The following EXOC4 variants were observed in gnomAD, a reference collection of about 807,000 sequenced individuals.
The protein encoded by EXOC4 is SEC8-like 1.
EXOC4 carries 71 observed loss-of-function variants against 107.2 expected under a neutral mutation model. That is an observed-to-expected ratio of 0.66 (90% CI 0.55 to 0.81). The LOEUF is 0.81. Ranked by LOEUF, EXOC4 falls within the 30% of genes least tolerant of loss-of-function variation. EXOC4 has a pLI of 0.00. For synonymous variants in EXOC4, 456 were observed against 441.2 expected (o/e 1.03, Z -0.42); for missense variants, 1,108 against 1,189.6 (o/e 0.93, Z 1.01).
chr7:133,277,744 A>G (rs1323077367), intron 2 of EXOC4, among the ~76,000 whole-genome samples: 1 of 152,230 alleles, frequency 6.6e-6, no homozygotes, highest in East Asian at 1.9e-4. Context: ...AGAGCCTTTA[A>G]TAATTGATTA....
chr7:133,287,877 C>A (rs1050943729), intron 2 of EXOC4, among the ~76,000 whole-genome samples: 4 of 152,128 alleles, frequency 2.6e-5, no homozygotes, highest in African/African-American at 9.7e-5. Flanking sequence ...TGTAGAAGAA[C>A]AATACAGATT....
chr7:134,008,057 T>A (rs967380174), intron 17 of EXOC4: 3 of 457,826 alleles, frequency 6.6e-6, no homozygotes, highest in Non-Finnish European at 1.2e-5. Flanking sequence ...TAACCCAAGT[T>A]CTTCTTAACT....
chr7:133,598,942 C>T (rs979548963), intron 9 of EXOC4, among the ~76,000 whole-genome samples: 1 of 152,144 alleles, frequency 6.6e-6, no homozygotes, highest in African/African-American at 2.4e-5. Flanking sequence ...CAAGATCGCG[C>T]CACTGCATTC....
At chr7:133,663,583 T>C (rs1659043619) in intron 10 of EXOC4, among the ~76,000 whole-genome samples, 1 of 152,192 alleles carries the variant, frequency 6.6e-6, no homozygotes, top group African/African-American at 2.4e-5. Flanking sequence ...TGCATTTCAA[T>C]TTGTGGGATG....
intron 5 of EXOC4, among the ~76,000 whole-genome samples, chr7:133,317,622 C>G (rs1795020195): frequency 6.6e-6 from 1 of 152,132 alleles, no homozygotes; most frequent in Admixed American, 6.5e-5. Context: ...TGAACCTGGC[C>G]TGCCTGCTGA....
chr7:133,624,304 G>A (rs775084915), intron 9 of EXOC4, among the ~76,000 whole-genome samples: 5 of 152,086 alleles, frequency 3.3e-5, no homozygotes, highest in Non-Finnish European at 7.4e-5. Context: ...ATTTTTAATT[G>A]AAAAATAAAG....
chr7:133,276,060 T>C (rs1016629417), intron 2 of EXOC4, among the ~76,000 whole-genome samples: 1 of 152,122 alleles, frequency 6.6e-6, no homozygotes, highest in Non-Finnish European at 1.5e-5. Context: ...GAACAGTTTT[T>C]CTTTTATTTG....
chr7:134,000,997 T>C (rs1477063968), intron 15 of EXOC4, among the ~76,000 whole-genome samples: 1 of 152,146 alleles, frequency 6.6e-6, no homozygotes, highest in Non-Finnish European at 1.5e-5. Flanking sequence ...GCGCAGTCTG[T>C]GTTGAAGGAT....
At chr7:133,355,728 G>T (rs550073151) in intron 5 of EXOC4, among the ~76,000 whole-genome samples, 1 of 151,358 alleles carries the variant, frequency 6.6e-6, no homozygotes, top group Non-Finnish European at 1.5e-5. Flanking sequence ...TTATGTTGTA[G>T]CAGACATATG....
chr7:133,821,197 G>A (rs533542197), intron 11 of EXOC4, among the ~76,000 whole-genome samples: 1 of 152,254 alleles, frequency 6.6e-6, no homozygotes, highest in Admixed American at 6.5e-5. Context: ...CACTATTCTG[G>A]GTGCTTTGTC....
intron 10 of EXOC4, among the ~76,000 whole-genome samples, chr7:133,651,523 A>T (rs1430143638): frequency 6.6e-6 from 1 of 152,176 alleles, no homozygotes; most frequent in Non-Finnish European, 1.5e-5. Context: ...GCTTTGGATC[A>T]CTTATGATAC....
At chr7:133,638,999 C>T (rs1025591976) in intron 10 of EXOC4, among the ~76,000 whole-genome samples, 10 of 152,224 alleles carry the variant, frequency 6.6e-5, no homozygotes, top group South Asian at 2.1e-4. Flanking sequence ...AACATGTGTT[C>T]GTCTTTTGGA....
chr7:134,075,339 C>T, the EXOC4 span, among the ~76,000 whole-genome samples: 1 of 152,136 alleles, frequency 6.6e-6, no homozygotes, highest in African/African-American at 2.4e-5. Context: ...ATTTCTGAGC[C>T]TGTATTAGTC....
chr7:133,507,757 A>G (rs1436272926), intron 9 of EXOC4, among the ~76,000 whole-genome samples: 1 of 152,126 alleles, frequency 6.6e-6, no homozygotes, highest in Non-Finnish European at 1.5e-5. Flanking sequence ...TAAGTTATAA[A>G]CTGCAGCGTT....
the EXOC4 span, among the ~76,000 whole-genome samples, chr7:134,090,427 A>G: frequency 1.3e-5 from 2 of 152,364 alleles, no homozygotes; most frequent in East Asian, 3.9e-4. Context: ...TTATGACAGA[A>G]CAATACAGAA....
intron 10 of EXOC4, among the ~76,000 whole-genome samples, chr7:133,643,744 A>G (rs1439945273): frequency 1.3e-5 from 2 of 152,226 alleles, no homozygotes; most frequent in African/African-American, 4.8e-5. Flanking sequence ...GATGAAGGAA[A>G]AAGGAAATAA....
At chr7:134,027,706 G>A (rs1444206794) in intron 17 of EXOC4, among the ~76,000 whole-genome samples, 5 of 151,680 alleles carry the variant, frequency 3.3e-5, no homozygotes, top group African/African-American at 1.2e-4. Flanking sequence ...AGTTCTCATG[G>A]GGTTAGTGAA....
chr7:133,435,321 A>G (rs1265891964), intron 7 of EXOC4, among the ~76,000 whole-genome samples: 3 of 152,016 alleles, frequency 2.0e-5, no homozygotes, highest in African/African-American at 7.2e-5. Flanking sequence ...TTCACTCTTC[A>G]TACCCTCTGT....
At chr7:133,919,483 A>G (rs1366997788) in intron 13 of EXOC4, among the ~76,000 whole-genome samples, 1 of 152,196 alleles carries the variant, frequency 6.6e-6, no homozygotes. Context: ...AGTATTATGC[A>G]GAATAATAAT....
Sources: gnomAD v4.1 joint callset for allele counts (sites outside exome capture counted in the v4.1 genomes callset) on GRCh38, gnomAD v4.1.1 for gene constraint, MANE v1.5 for transcripts, NCBI Gene and HGNC (gene_info 2026-07-23, HGNC 2026-07-21) for gene names.